The following GRIK2 variants were observed in gnomAD, a reference collection of about 807,000 sequenced individuals.
The protein encoded by GRIK2 is glutamate ionotropic receptor kainate type subunit 2.
In GRIK2, 32 loss-of-function variants were observed where a neutral mutation model predicts 100.3. The ratio of observed to expected loss-of-function variants is 0.32; its 90% CI spans 0.24 to 0.43. The LOEUF (loss-of-function observed/expected upper bound fraction) is 0.43. Ranked by LOEUF, GRIK2 falls within the 20% of genes least tolerant of loss-of-function variation. The pLI is 1.00. For synonymous variants in GRIK2, 417 were observed against 389.4 expected (o/e 1.07, Z -0.83); for missense variants, 843 against 1,114.9 (o/e 0.76, Z 3.47).
chr6:101,808,475 T>C (rs967266152), intron 9 of GRIK2, among the ~76,000 whole-genome samples: 8 of 152,038 alleles, frequency 5.3e-5, no homozygotes, highest in Non-Finnish European at 8.8e-5. Context: ...GAGAAAAAAG[T>C]CAGTCTTTTA....
chr6:101,809,316 G>A (rs940146908), intron 9 of GRIK2, among the ~76,000 whole-genome samples: 2 of 151,856 alleles, frequency 1.3e-5, no homozygotes, highest in African/African-American at 4.8e-5. Context: ...AGTGCTTTTT[G>A]AATATTTTTT....
intron 2 of GRIK2, among the ~76,000 whole-genome samples, chr6:101,522,974 T>C (rs2128282046): frequency 6.6e-6 from 1 of 151,770 alleles, no homozygotes; most frequent in East Asian, 1.9e-4. Context: ...TTTCTATGGC[T>C]TGCAATCTTC....
At chr6:101,732,108 A>C (rs1775311308) in intron 7 of GRIK2, among the ~76,000 whole-genome samples, 1 of 151,928 alleles carries the variant, frequency 6.6e-6, no homozygotes, top group Non-Finnish European at 1.5e-5. Flanking sequence ...GCACACACAC[A>C]CACACCTTTT....
chr6:101,890,466 A>C (rs2128457509), intron 12 of GRIK2: 1 of 152,474 alleles, frequency 6.6e-6, no homozygotes, highest in African/African-American at 2.4e-5. Context: ...AAGGTGGCTG[A>C]TGCCTATAAT....
chr6:101,876,870 A>G (rs1785887171), intron 11 of GRIK2, among the ~76,000 whole-genome samples: 1 of 151,906 alleles, frequency 6.6e-6, no homozygotes, highest in African/African-American at 2.4e-5. Context: ...CACTAAGTCA[A>G]CAGTATGTTA....
At chr6:101,934,232 C>A (rs146482369) in intron 14 of GRIK2, among the ~76,000 whole-genome samples, 66 of 151,938 alleles carry the variant, frequency 4.3e-4, no homozygotes, top group Non-Finnish European at 7.7e-4. Flanking sequence ...CCAAAGATAT[C>A]GTCACATAAA....
At chr6:101,898,702 C>A (rs995445849) in intron 12 of GRIK2, among the ~76,000 whole-genome samples, 8 of 151,784 alleles carry the variant, frequency 5.3e-5, no homozygotes, top group African/African-American at 1.7e-4. Context: ...AATGCTAACA[C>A]TTTTTCCCTG....
intron 10 of GRIK2, among the ~76,000 whole-genome samples, chr6:101,825,623 T>C (rs1381046573): frequency 1.3e-5 from 2 of 150,214 alleles, no homozygotes; most frequent in Admixed American, 6.7e-5. Flanking sequence ...TTTGCCTTTA[T>C]GTTATTTTTT....
chr6:101,600,225 T>C lies in GRIK2; in HGVS notation c.116-21724T>C, dbSNP rs145108965. On this transcript the variant is annotated intron_variant, in intron 2 of 16. Coordinates refer to ENST00000369134, the MANE Select transcript of GRIK2 (RefSeq NM_021956.5). ...AGATGGCTGTAGGTATGCAAGTTTA[T>C]TTCTGGGTTCTCCGTTCTTTTCCAC... 2.3e-3 allele frequency among the ~76,000 whole-genome samples: 343 copies of C among 152,070 alleles called. 2 individuals carry two copies. The highest frequency in any genetic ancestry group is 7.9e-3 in the African/African-American group (329 of 41,546).
At chr6:101,928,142 T>C (rs1460443771) in intron 13 of GRIK2, 1 of 394,716 alleles carries the variant, frequency 2.5e-6, no homozygotes, top group Admixed American at 4.2e-5. Flanking sequence ...AAATGTTTAC[T>C]CATTAATATT....
At chr6:101,521,617 TA>T (rs1170281361) in intron 2 of GRIK2, among the ~76,000 whole-genome samples, 11 of 151,878 alleles carry the variant, frequency 7.2e-5, no homozygotes, top group Non-Finnish European at 1.6e-4. Flanking sequence ...TTGAATAGCG[TA>T]AAATTTTTTT....
intron 12 of GRIK2, chr6:101,890,297 T>C (rs1187674787): frequency 6.5e-6 from 1 of 155,030 alleles, no homozygotes; most frequent in Non-Finnish European, 1.4e-5. Context: ...TAATAAACAT[T>C]CTAACTATAA....
rs113544116 is a variant in GRIK2 at position 101,767,905 on chromosome 6, C to T, written c.952-31743C>T. 9.9e-3 allele frequency among the ~76,000 whole-genome samples: 1,507 copies of T among 151,914 alleles called. 33 individuals carry two copies. Among genetic ancestry groups the T allele is most frequent in the African/African-American group, 0.033 (1,387 of 41,428 alleles). On this transcript the variant is annotated intron_variant, in intron 7 of 16. Coordinates refer to ENST00000369134, the MANE Select transcript of GRIK2 (RefSeq NM_021956.5). ...CAGGGTCTGCCTCTGTCACCCAGGC[C>T]GGAGTGCAGTGGTGCAATCTCAGCT... is the stretch of plus-strand genomic sequence containing the variant.
Position 101,409,747 on chromosome 6 carries a change from T to C in GRIK2, c.115+10355T>C, listed in dbSNP as rs143714294. Among the ~76,000 whole-genome samples, 677 of 152,128 alleles carry C rather than the reference T, an allele frequency of 4.5e-3. 6 individuals carry two copies. The highest frequency in any genetic ancestry group is 0.015 in the African/African-American group (643 of 41,536). ...GGATAATAGATAATGTTGGATTTAA[T>C]AGGAAAATGTGTAGAGCTCTGAGTT... is the stretch of plus-strand genomic sequence containing the variant. On this transcript the variant is annotated intron_variant, in intron 2 of 16. Transcript: ENST00000369134.
chr6:101,454,358 A>G (rs1770878867), intron 2 of GRIK2, among the ~76,000 whole-genome samples: 1 of 152,156 alleles, frequency 6.6e-6, no homozygotes, highest in Admixed American at 6.6e-5. Flanking sequence ...AGCATTTTCA[A>G]AGCAGTCTGA....
intron 7 of GRIK2, among the ~76,000 whole-genome samples, chr6:101,690,223 AT>A (rs921718174): frequency 1.7e-3 from 252 of 151,964 alleles, no homozygotes; most frequent in Non-Finnish European, 2.7e-3. Flanking sequence ...AATTATCAGT[AT>A]TTTTTTTCTT....
At chr6:101,628,602 C>T (rs1409720833) in intron 4 of GRIK2, among the ~76,000 whole-genome samples, 2 of 151,946 alleles carry the variant, frequency 1.3e-5, no homozygotes, top group Non-Finnish European at 2.9e-5. Flanking sequence ...CCAAGGGATC[C>T]TCAGTTGCAA....
intron 4 of GRIK2, among the ~76,000 whole-genome samples, chr6:101,667,769 T>C (rs1770138547): frequency 6.6e-6 from 1 of 152,156 alleles, no homozygotes; most frequent in South Asian, 2.1e-4. Flanking sequence ...TTTAATATCA[T>C]TAAAAATAAT....
intron 2 of GRIK2, among the ~76,000 whole-genome samples, chr6:101,585,164 C>A (rs1408194446): frequency 6.6e-6 from 1 of 151,934 alleles, no homozygotes; most frequent in Admixed American, 6.6e-5. Context: ...CCAAAATAAT[C>A]AACATTAATA....
Sources: gnomAD v4.1 joint callset for allele counts (sites outside exome capture counted in the v4.1 genomes callset) on GRCh38, gnomAD v4.1.1 for gene constraint, MANE v1.5 for transcripts, NCBI Gene and HGNC (gene_info 2026-07-23, HGNC 2026-07-21) for gene names.